The following ERGIC1 variants were observed in gnomAD, a reference collection of about 807,000 sequenced individuals.
ERGIC1 encodes the protein endoplasmic reticulum-Golgi intermediate compartment protein 1.
A neutral mutation model predicts 38.3 loss-of-function variants in ERGIC1; 19 were observed. That is an observed-to-expected ratio of 0.50 (90% CI 0.35 to 0.73). The LOEUF (loss-of-function observed/expected upper bound fraction) is 0.73. Among genes scored for constraint, ERGIC1 ranks in the 30% least tolerant of loss-of-function variants. The probability of loss-of-function intolerance (pLI) is 0.01; values close to 1 mark genes in which losing one functional copy is unlikely to be tolerated. For missense variants in ERGIC1, 294 were observed against 389.2 expected (o/e 0.76, Z 2.06); for synonymous variants, 124 against 157.6 (o/e 0.79, Z 1.60).
At chr5:172,924,684 C>A (rs2112243) in intron 6 of ERGIC1, among the ~76,000 whole-genome samples, 2 of 152,110 alleles carry the variant, frequency 1.3e-5, no homozygotes, top group East Asian at 3.9e-4. Context: ...CGCATTGCCA[C>A]GTGCAGGGGC....
At chr5:172,916,479 T>C (rs1030520413) in intron 5 of ERGIC1, 5 of 152,212 alleles carry the variant, frequency 3.3e-5, no homozygotes, top group African/African-American at 9.6e-5. Context: ...GCCTTAGAAC[T>C]GGACTATCCA....
chr5:172,933,753 C>T (rs1028228111), intron 8 of ERGIC1: 6 of 152,194 alleles, frequency 3.9e-5, no homozygotes, highest in South Asian at 2.1e-4. Context: ...CTCAGGACCA[C>T]GCTGCAGTTC....
chr5:172,851,191 ACT>A (rs1328069290), intron 1 of ERGIC1, among the ~76,000 whole-genome samples: 2 of 129,570 alleles, frequency 1.5e-5, no homozygotes, highest in Non-Finnish European at 3.2e-5. Flanking sequence ...ACAGAGCAAG[ACT>A]CTGTCTCAAA....
chr5:172,884,484 G>A (rs192544792), intron 1 of ERGIC1, among the ~76,000 whole-genome samples: 326 of 152,172 alleles, frequency 2.1e-3, no homozygotes, highest in African/African-American at 7.3e-3. Context: ...TGAACTCCTG[G>A]CCTCAAGCGA....
At chr5:172,849,615 C>T (rs1761355023) in intron 1 of ERGIC1, among the ~76,000 whole-genome samples, 2 of 152,184 alleles carry the variant, frequency 1.3e-5, no homozygotes, top group African/African-American at 2.4e-5. Flanking sequence ...TTGGGGGTCA[C>T]ACCTGCAGGA....
chr5:172,881,202 A>G (rs1363413055), intron 1 of ERGIC1, among the ~76,000 whole-genome samples: 3 of 152,152 alleles, frequency 2.0e-5, no homozygotes, highest in South Asian at 4.1e-4. Context: ...AGCTGAGATC[A>G]CGCCATTGCA....
chr5:172,929,240 C>T (rs1763725413), intron 7 of ERGIC1, among the ~76,000 whole-genome samples: 1 of 152,114 alleles, frequency 6.6e-6, no homozygotes, highest in Non-Finnish European at 1.5e-5. Flanking sequence ...CTGGGCCCCA[C>T]TCCAGTGGCG....
intron 1 of ERGIC1, among the ~76,000 whole-genome samples, chr5:172,881,235 G>A (rs867408019): frequency 1.3e-5 from 2 of 151,442 alleles, no homozygotes; most frequent in Non-Finnish European, 2.9e-5. Context: ...AAACAAGAGC[G>A]AAACTCCATC....
chr5:172,903,992 G>C lies in ERGIC1; in HGVS notation c.156-5675G>C, dbSNP rs945001632. ...ATACACACACACACACACACACATT[G>C]ACTCACACTAACATACACACACTCA... is the stretch of plus-strand genomic sequence containing the variant. On this transcript the variant is annotated intron_variant, in intron 3 of 9. Coordinates refer to ENST00000393784, the MANE Select transcript of ERGIC1 (RefSeq NM_001031711.3). 4.7e-3 allele frequency among the ~76,000 whole-genome samples: 467 copies of C among 98,528 alleles called. 6 individuals are homozygous for C. The highest frequency in any genetic ancestry group is 0.016 in the African/African-American group (446 of 28,454). 64.6% of individuals were successfully genotyped at this position (98,528 alleles called of 152,430 possible).
intron 1 of ERGIC1, among the ~76,000 whole-genome samples, chr5:172,863,547 G>A (rs924715305): frequency 8.5e-5 from 13 of 152,094 alleles, no homozygotes; most frequent in Admixed American, 2.0e-4. Flanking sequence ...GAGTCCTCCC[G>A]TGGCCCAGCC....
chr5:172,897,121 C>A (rs377631864), intron 3 of ERGIC1, 47 bp downstream of exon 3: 3 of 1,587,732 alleles, frequency 1.9e-6, no homozygotes, highest in Non-Finnish European at 2.6e-6. Context: ...TTCTGGGACC[C>A]CAGACAAGAA....
Position 172,935,358 on chromosome 5 carries a change from G to C in ERGIC1, c.765+48G>C, listed in dbSNP as rs199565834. 658 of 1,611,426 alleles carry C rather than the reference G, an allele frequency of 4.1e-4. 6 individuals carry two copies. The highest frequency in any genetic ancestry group is 3.8e-4 in the Admixed American group (23 of 59,966). ...TGGGGCCCTGAGCCAGCCACCCTGC[G>C]CCTGCTCTGGGCCCCTTTCCTTGGC... On this transcript the variant is annotated intron_variant, in intron 9 of 9. Coordinates refer to ENST00000393784, the MANE Select transcript of ERGIC1 (RefSeq NM_001031711.3).
rs552002669 is a variant in ERGIC1, at chr5:172,926,720, T to C, written c.541+151T>C. On this transcript the variant is annotated intron_variant, in intron 7 of 9. Coordinates refer to ENST00000393784, the MANE Select transcript of ERGIC1 (RefSeq NM_001031711.3). This position sits in a 1 kb window ranked among gnomAD's most constrained non-coding sequence, Gnocchi z 5.2. ...ACACTCCATTCCCACAGCTAACCAG[T>C]GGGAAGGTGGACCCAGCCCCGTCCA... 1.2e-6 allele frequency: 1 copy of C among 824,572 alleles called. No individual in the cohort carries two copies. The highest frequency in any genetic ancestry group is 2.6e-5 in the East Asian group (1 of 37,922). 51.1% of individuals were successfully genotyped at this position (824,572 alleles called of 1,614,324 possible).
chr5:172,877,768 G>A (rs1762183724), intron 1 of ERGIC1, among the ~76,000 whole-genome samples: 1 of 152,110 alleles, frequency 6.6e-6, no homozygotes, highest in Non-Finnish European at 1.5e-5. Flanking sequence ...TGCTATTACA[G>A]CTGGTGCTGT....
In ERGIC1 at chr5:172,834,531, G is replaced by T. The variant is rs1406613346; in HGVS notation, c.20+98G>T. 3 of 1,188,278 alleles carry T rather than the reference G, an allele frequency of 2.5e-6. No individual in the cohort carries two copies. Among genetic ancestry groups the T allele is most frequent in the East Asian group, 3.3e-5 (1 of 30,562 alleles). 73.6% of individuals were successfully genotyped at this position (1,188,278 alleles called of 1,614,324 possible). On this transcript the variant is annotated intron_variant, in intron 1 of 9. Coordinates refer to ENST00000393784, the MANE Select transcript of ERGIC1 (RefSeq NM_001031711.3). The surrounding 1 kb of genome is among the most constrained non-coding windows in gnomAD (Gnocchi z 4.1). The stretch of plus-strand genomic sequence containing the variant: ...CCCTCCCGCCCTGCATGCAAAAGCG[G>T]CTCCCCGCCCTGTGCATGCCTCCGC...
chr5:172,945,003 C>T (rs1764091730), intron 9 of ERGIC1, among the ~76,000 whole-genome samples: 1 of 152,236 alleles, frequency 6.6e-6, no homozygotes, highest in African/African-American at 2.4e-5. Context: ...CTCTGGAACC[C>T]ACCCATTGGC....
chr5:172,885,928 T>G (rs965830264), intron 1 of ERGIC1, among the ~76,000 whole-genome samples: 1 of 152,142 alleles, frequency 6.6e-6, no homozygotes, highest in Non-Finnish European at 1.5e-5. Flanking sequence ...TGAACTTCCA[T>G]GTAAAATTCC....
intron 1 of ERGIC1, among the ~76,000 whole-genome samples, chr5:172,887,892 C>T (rs1762460962): frequency 6.6e-6 from 1 of 152,090 alleles, no homozygotes; most frequent in African/African-American, 2.4e-5. Flanking sequence ...GGGGTGCAGC[C>T]GGAGTGGAAA....
chr5:172,866,201 A>G (rs986163323), intron 1 of ERGIC1, among the ~76,000 whole-genome samples: 2 of 152,210 alleles, frequency 1.3e-5, no homozygotes, highest in East Asian at 1.9e-4. Flanking sequence ...CAGTTGGAGC[A>G]AAGTCCAGAA....
Sources: gnomAD v4.1 joint callset for allele counts (sites outside exome capture counted in the v4.1 genomes callset) on GRCh38, gnomAD v4.1.1 for gene constraint, Gnocchi (gnomAD v3.1) non-coding constraint, MANE v1.5 for transcripts, NCBI Gene and HGNC (gene_info 2026-07-23, HGNC 2026-07-21) for gene names.